VRTN: variants seen among roughly 807,000 people sequenced by gnomAD.
VRTN encodes the protein vertnin.
VRTN carries 5 observed loss-of-function variants against 18.2 expected under a neutral mutation model. The observed-to-expected ratio is 0.27, with a 90% CI of 0.14 to 0.58. The LOEUF (loss-of-function observed/expected upper bound fraction) is 0.58. Among genes scored for constraint, VRTN ranks in the 20% least tolerant of loss-of-function variants. VRTN has a pLI of 0.91. For missense variants in VRTN, 741 were observed against 939.4 expected (o/e 0.79, Z 2.76); for synonymous variants, 381 against 393.7 (o/e 0.97, Z 0.38).
intron 1 of VRTN, among the ~76,000 whole-genome samples, chr14:74,313,716 C>G (rs1697077732): frequency 6.6e-6 from 1 of 152,180 alleles, no homozygotes; most frequent in Non-Finnish European, 1.5e-5. Flanking sequence ...CGTGGTGGCT[C>G]ATACCTGTAA....
intron 1 of VRTN, among the ~76,000 whole-genome samples, chr14:74,350,203 C>T (rs1386157859): frequency 6.6e-6 from 1 of 152,142 alleles, no homozygotes; most frequent in African/African-American, 2.4e-5. Flanking sequence ...TTCCACACGG[C>T]CCTATTCTCT....
In VRTN at chr14:74,340,773, C is replaced by T. The variant is rs183562411; in HGVS notation, c.-2+2889C>T. ...TTATTTTTATTTTTATTTTTTGAGACGGAGTCTTGCTCTGTCGCCCAGGCT... is the reference window on the plus strand; with the variant it reads ...TTATTTTTATTTTTATTTTTTGAGATGGAGTCTTGCTCTGTCGCCCAGGCT... On this transcript the variant is annotated intron_variant, in intron 2 of 2. Coordinates refer to the VRTN transcript ENST00000557177. 2.4e-3 allele frequency among the ~76,000 whole-genome samples: 366 copies of T among 152,200 alleles called. 1 individual carries two copies. The highest frequency in any genetic ancestry group is 4.2e-3 in the Non-Finnish European group (285 of 68,010).
chr14:74,349,050 G>T (rs1425754806), intron 1 of VRTN, among the ~76,000 whole-genome samples: 4 of 152,174 alleles, frequency 2.6e-5, no homozygotes, highest in Admixed American at 2.0e-4. Context: ...ACCTTAAGGG[G>T]CAACCGGGAG....
intron 1 of VRTN, among the ~76,000 whole-genome samples, chr14:74,304,632 T>C (rs1463329094): frequency 1.3e-5 from 2 of 152,122 alleles, no homozygotes. Context: ...GCATTCCTTC[T>C]GACCTAGGCA....
chr14:74,309,558 A>C (rs1324868508), intron 1 of VRTN, among the ~76,000 whole-genome samples: 1 of 152,178 alleles, frequency 6.6e-6, no homozygotes, highest in Admixed American at 6.6e-5. Context: ...AAAAACACAC[A>C]GTGAGGCTAG....
At chr14:74,344,750 A>AAAAAAAAAAAAAAAAAAAAAAGT (rs1410658975), upstream of VRTN, among the ~76,000 whole-genome samples, 3 of 128,056 alleles carry the variant, frequency 2.3e-5, no homozygotes, top group African/African-American at 3.1e-5. Context: ...AAAAAAAATG[A>AAAAAAAAAAAAAAAAAAAAAAGT]AAAAAAGAAA....
At chr14:74,335,597 G>A (rs1045446019) in intron 1 of VRTN, among the ~76,000 whole-genome samples, 1 of 152,080 alleles carries the variant, frequency 6.6e-6, no homozygotes, top group Admixed American at 6.6e-5. Context: ...TACAGATGAG[G>A]AAATTAAGGC....
At position 74,358,184 on chromosome 14, in the gene VRTN, T is replaced by G. The variant is rs763742770; in HGVS notation, c.1401T>G (p.Val467=). Residue 467 remains valine (V), a synonymous_variant, in exon 2 of 2, where the codon GTT becomes GTG. Transcript: ENST00000256362. This position sits in a 1 kb window ranked among gnomAD's most constrained non-coding sequence, Gnocchi z 5.4. ...SAAGTPQLAS[V]GEGAVIPWKS... ...CTGGGACTCCCCAGCTAGCATCTGT[T>G]GGGGAAGGGGCTGTAATTCCTTGGA... The G allele has an allele frequency of 5.0e-6, 8 of 1,613,730 alleles. No homozygotes were observed. The South Asian group carries it at 5.5e-5, about 11-fold the overall frequency.
intron 1 of VRTN, among the ~76,000 whole-genome samples, chr14:74,325,563 T>C (rs2085482980): frequency 6.6e-6 from 1 of 151,700 alleles, no homozygotes; most frequent in Admixed American, 6.6e-5. Flanking sequence ...ACCCCAGCAC[T>C]TTGGGAGGCC....
intron 1 of VRTN, among the ~76,000 whole-genome samples, chr14:74,308,593 C>T (rs141739487): frequency 1.2e-3 from 179 of 152,238 alleles, no homozygotes; most frequent in African/African-American, 4.2e-3. Context: ...CGGCCCACTG[C>T]AACCTCTGCC....
In VRTN at chr14:74,358,101, C is replaced by T. The variant is rs1179379863; in HGVS notation, c.1318C>T (p.Arg440Trp). 9 of 1,614,020 alleles carry T rather than the reference C, an allele frequency of 5.6e-6. No homozygotes were observed. The highest frequency in any genetic ancestry group is 6.8e-6 in the Non-Finnish European group (8 of 1,180,014). ...GISRSTYYNW[R>W]RKALRRNPSF... is the part of the protein sequence containing the mutation. ...CTCACGGTCCACTTATTATAATTGG[C>T]GGCGAAAGGCCCTCCGGAGGAACCC... Residue 440 changes from arginine to tryptophan, a missense_variant, in exon 2 of 2, where the codon CGG becomes TGG. Around this residue, in one of 3 missense-constraint regions of VRTN, gnomAD observed 494 missense variants for 546.5 expected, o/e 0.90. Transcript: ENST00000256362. This position sits in a 1 kb window ranked among gnomAD's most constrained non-coding sequence, Gnocchi z 5.4.
At chr14:74,327,350 C>T (rs2085494522) in intron 1 of VRTN, among the ~76,000 whole-genome samples, 1 of 152,136 alleles carries the variant, frequency 6.6e-6, no homozygotes. Flanking sequence ...AACTGGGTAA[C>T]TCTTCCCTCA....
At chr14:74,326,428 G>C (rs2140199237) in intron 1 of VRTN, among the ~76,000 whole-genome samples, 1 of 152,220 alleles carries the variant, frequency 6.6e-6, no homozygotes, top group Non-Finnish European at 1.5e-5. Context: ...TTCTAAGCAG[G>C]CTGGGGTCTG....
At chr14:74,344,013 G>T (rs1226826324), upstream of VRTN, among the ~76,000 whole-genome samples, 1 of 150,738 alleles carries the variant, frequency 6.6e-6, no homozygotes, top group African/African-American at 2.4e-5. Flanking sequence ...GGCCAGGCTG[G>T]TCTCGAACTC....
At chr14:74,321,588 C>T (rs1375638696) in intron 1 of VRTN, among the ~76,000 whole-genome samples, 1 of 151,068 alleles carries the variant, frequency 6.6e-6, no homozygotes, top group Admixed American at 6.6e-5. Context: ...TCACTGCAAC[C>T]TCCACCTCCT....
At chr14:74,323,036 G>A (rs1334162650) in intron 1 of VRTN, among the ~76,000 whole-genome samples, 1 of 152,120 alleles carries the variant, frequency 6.6e-6, no homozygotes, top group Non-Finnish European at 1.5e-5. Context: ...GGGAGGCTGA[G>A]GCAGGAGAAT....
In VRTN at chr14:74,315,470, G is replaced by A. The variant is rs373900002; in HGVS notation, c.-164+12294G>A. Among the ~76,000 whole-genome samples the A allele has an allele frequency of 1.5e-4, 23 of 152,226 alleles. 3 individuals are homozygous for A. The highest frequency in any genetic ancestry group is 1.3e-3 in the Admixed American group (20 of 15,262). ...TCCCAGTGCTTTGGGATGCCGAGGCGGGAGGACTGCTTGAGGCCAAGAGTT... is the reference window on the plus strand; with the variant it reads ...TCCCAGTGCTTTGGGATGCCGAGGCAGGAGGACTGCTTGAGGCCAAGAGTT... On this transcript the variant is annotated intron_variant, in intron 1 of 2. Coordinates refer to the VRTN transcript ENST00000557177.
intron 1 of VRTN, among the ~76,000 whole-genome samples, chr14:74,336,174 G>A (rs949340435): frequency 2.0e-5 from 3 of 151,792 alleles, no homozygotes; most frequent in Non-Finnish European, 4.4e-5. Flanking sequence ...TTGGGAGGCT[G>A]AGGCAGGCAG....
At chr14:74,308,154 C>T (rs2085366515) in intron 1 of VRTN, among the ~76,000 whole-genome samples, 1 of 152,090 alleles carries the variant, frequency 6.6e-6, no homozygotes, top group Admixed American at 6.6e-5. Flanking sequence ...GTGGCTCACA[C>T]CTGTGGTCTC....
Sources: allele counts gnomAD v4.1 joint callset (sites outside exome capture counted in the v4.1 genomes callset), GRCh38; gene constraint gnomAD v4.1.1; regional missense constraint gnomAD v4.1.1; non-coding constraint Gnocchi (gnomAD v3.1); transcripts MANE v1.5; gene names NCBI Gene and HGNC (gene_info 2026-07-23, HGNC 2026-07-21).